The following TMEM69 variants were observed in gnomAD, a reference collection of about 807,000 sequenced individuals.
TMEM69 encodes transmembrane protein 69, also known as chromosome 1 open reading frame 154.
TMEM69 carries 17 observed loss-of-function variants against 15.8 expected under a neutral mutation model. The observed-to-expected ratio is 1.07, with a 90% confidence interval of 0.73 to 1.61. TMEM69 has a LOEUF of 1.61. Ranked by LOEUF, TMEM69 falls within the 40% of genes most tolerant of loss-of-function variation. The pLI is 0.00. For missense variants in TMEM69, 230 were observed against 286.1 expected (o/e 0.80, Z 1.41); for synonymous variants, 80 against 98.6 (o/e 0.81, Z 1.12).
At chr1:45,689,090 A>G (rs1419123345) in intron 1 of TMEM69, among the ~76,000 whole-genome samples, 1 of 151,794 alleles carries the variant, frequency 6.6e-6, no homozygotes, top group African/African-American at 2.4e-5. Context: ...TTTTTAGTAG[A>G]GACGGGGGGG....
intron 2 of TMEM69, among the ~76,000 whole-genome samples, chr1:45,691,815 T>G (rs1645346610): frequency 6.6e-6 from 1 of 151,182 alleles, no homozygotes; most frequent in African/African-American, 2.4e-5. Flanking sequence ...CACTCTGGCT[T>G]GGGTGACAGA....
intron 1 of TMEM69, among the ~76,000 whole-genome samples, chr1:45,688,725 G>A (rs1361028628): frequency 1.3e-5 from 2 of 151,974 alleles, no homozygotes; most frequent in Non-Finnish European, 2.9e-5. Flanking sequence ...TACGCTCTGC[G>A]GGCATTTTGG....
In TMEM69 at chr1:45,693,274, TC is replaced by T. The variant is rs746710048; in HGVS notation, c.115del (p.Gln39SerfsTer20). On this transcript the variant is annotated frameshift_variant, in exon 3 of 3. Transcript: ENST00000372025. LOFTEE classifies it high-confidence loss of function. ...RTDILSLKMS[L>X]QQNFSPCPRP... is the part of the protein sequence containing the mutation. ...GATATACTTTCTCTCAAGATGTCTCTCCAGCAAAACTTTTCCCCATGTCCAA... is the reference window on the plus strand; with the variant it reads ...GATATACTTTCTCTCAAGATGTCTCTCAGCAAAACTTTTCCCCATGTCCAA... 67 of 1,614,084 alleles carry T rather than the reference TC, an allele frequency of 4.2e-5. No homozygotes were observed. The highest frequency in any genetic ancestry group is 5.4e-5 in the Non-Finnish European group (64 of 1,180,042).
At chr1:45,690,631 TTTTGG>T (rs1645338533) in intron 1 of TMEM69, among the ~76,000 whole-genome samples, 1 of 152,090 alleles carries the variant, frequency 6.6e-6, no homozygotes, top group East Asian at 1.9e-4. Context: ...TCCAGTTTTG[TTTTGG>T]TTTTTTTTTT....
chr1:45,691,803 T>C (rs1340029872), intron 2 of TMEM69, among the ~76,000 whole-genome samples: 1 of 94,982 alleles, frequency 1.1e-5, no homozygotes. Flanking sequence ...ATTGTGCCAC[T>C]GCACTCTGGC....
In TMEM69 at chr1:45,694,041, C is replaced by T. The variant is rs1365977959; in HGVS notation, c.*136C>T. 3 of 574,928 alleles carry T rather than the reference C, an allele frequency of 5.2e-6. No individual in the cohort carries two copies. The Admixed American group carries it at 1.0e-4, about 19-fold the overall frequency. 35.6% of individuals were successfully genotyped at this position (574,928 alleles called of 1,614,324 possible). ...CGCCTCTGCCCGGCCGCTGTGCAAC[C>T]TTCCACGTGTGAAGTGACAGCCTTG... On this transcript the variant is annotated 3_prime_UTR_variant, in exon 3 of 3. Transcript: ENST00000372025.
chr1:45,690,878 C>T, intron 1 of TMEM69, 96 bp from the exon 2 acceptor site: 1 of 621,034 alleles, frequency 1.6e-6, no homozygotes, highest in Non-Finnish European at 2.9e-6. Flanking sequence ...ATTAATGATT[C>T]TTTTCAAAGG....
At chr1:45,688,552 C>A (rs994172124) in intron 1 of TMEM69, among the ~76,000 whole-genome samples, 3 of 152,118 alleles carry the variant, frequency 2.0e-5, no homozygotes, top group Non-Finnish European at 4.4e-5. Flanking sequence ...CATCACCTGC[C>A]GTCCCTGGAC....
In TMEM69 at chr1:45,694,162, T is replaced by C. The variant is rs1158016489; in HGVS notation, c.*257T>C. The C allele has an allele frequency of 1.1e-5, 5 of 446,172 alleles. No homozygotes were observed. Among genetic ancestry groups the C allele is most frequent in the Non-Finnish European group, 2.0e-5 (5 of 253,236 alleles). 27.6% of individuals were successfully genotyped at this position (446,172 alleles called of 1,614,324 possible). ...TAAAAATATATATATATAAATACAC[T>C]GTAGATAACATTTGTATGCCAGCTA... On this transcript the variant is annotated 3_prime_UTR_variant, in exon 3 of 3. Transcript: ENST00000372025.
intron 2 of TMEM69, among the ~76,000 whole-genome samples, chr1:45,692,659 T>G (rs10789470): frequency 0.29 from 43,588 of 151,994 alleles, 6,389 homozygotes; most frequent in South Asian, 0.37. Context: ...TAAGTTGAAT[T>G]TTGAATGTTG....
intron 2 of TMEM69, among the ~76,000 whole-genome samples, 185 bp from the exon 3 acceptor site, chr1:45,693,019 G>C (rs1020756134): frequency 6.6e-6 from 1 of 152,048 alleles, no homozygotes; most frequent in African/African-American, 2.4e-5. Flanking sequence ...ACTCTTACCA[G>C]CAATAATATC....
Position 45,693,826 on chromosome 1 carries a change from C to A in TMEM69, c.665C>A (p.Ala222Asp). The A allele has an allele frequency of 1.9e-6, 3 of 1,614,008 alleles. No individual in the cohort carries two copies. The highest frequency in any genetic ancestry group is 2.5e-6 in the Non-Finnish European group (3 of 1,179,976). The change falls in exon 3 of 3, where the codon GCC (alanine) becomes GAC (aspartate). Residue 222 changes from alanine to aspartate, a missense_variant. Ala to Asp is a moderately radical substitution (Grantham distance 126, BLOSUM62 -2). Coordinates refer to ENST00000372025, the MANE Select transcript of TMEM69 (RefSeq NM_016486.4). The stretch of plus-strand genomic sequence containing the variant: ...CTGAGGATAGTAGTCACTTTATTGG[C>A]CACTTTTTCATTTATAATCACTTTA... Reference protein sequence around the residue: ...KALRIVVTLLATFSFIITLVV... With the variant: ...KALRIVVTLLDTFSFIITLVV...
At position 45,689,789 on chromosome 1, in the gene TMEM69, G is replaced by C. The variant is rs577221166; in HGVS notation, c.-95-1185G>C. Among the ~76,000 whole-genome samples the C allele has an allele frequency of 1.7e-4, 26 of 152,256 alleles. No homozygotes were observed. The South Asian group carries it at 2.9e-3, about 17-fold the overall frequency. On this transcript the variant is annotated intron_variant, in intron 1 of 2. Transcript: ENST00000372025. ...GGAGGCGAAGCTTGCAGTGAGCTGAGATGGCACCACTGCACTCCACCCTGG... is the reference window on the plus strand; with the variant it reads ...GGAGGCGAAGCTTGCAGTGAGCTGACATGGCACCACTGCACTCCACCCTGG...
At position 45,690,956 on chromosome 1, in the gene TMEM69, A is replaced by G. The variant is rs937272821; in HGVS notation, c.-95-18A>G. The G allele has an allele frequency of 1.8e-6, 2 of 1,088,942 alleles. No homozygotes were observed. The highest frequency in any genetic ancestry group is 3.2e-5 in the African/African-American group (2 of 63,226). 67.5% of individuals were successfully genotyped at this position (1,088,942 alleles called of 1,614,324 possible). On this transcript the variant is annotated intron_variant, in intron 1 of 2. Transcript: ENST00000372025. ...TATAAAATGAGGAAAATTAAGTGAC[A>G]CCTTGTGTTATACACAGAAACATGC...
At chr1:45,689,714 T>C (rs1645331390) in intron 1 of TMEM69, among the ~76,000 whole-genome samples, 2 of 152,124 alleles carry the variant, frequency 1.3e-5, no homozygotes, top group South Asian at 4.1e-4. Flanking sequence ...GGCATATGCC[T>C]GTAGTCCCAG....
chr1:45,689,287 G>T (rs1347617707), intron 1 of TMEM69, among the ~76,000 whole-genome samples: 3 of 152,150 alleles, frequency 2.0e-5, no homozygotes, highest in African/African-American at 7.2e-5. Context: ...GAAATTGTCA[G>T]ATCTAGATCC....
chr1:45,692,975 G>A (rs1002451210), intron 2 of TMEM69, among the ~76,000 whole-genome samples: 1 of 152,160 alleles, frequency 6.6e-6, no homozygotes, highest in African/African-American at 2.4e-5. Flanking sequence ...TTTGTGTTCA[G>A]TGGTTTCTTT....
rs1339802976 is a variant in TMEM69 at position 45,694,096 on chromosome 1, T to A, written c.*191T>A. On this transcript the variant is annotated 3_prime_UTR_variant, in exon 3 of 3. Transcript: ENST00000372025. ...TGATCTTTTCTGTCTTCCCCAAGTT[T>A]GCATTTTCGACATTAAAGTTTACTT... 2.3e-6 allele frequency: 1 copy of A among 429,570 alleles called. No homozygotes were observed. Among genetic ancestry groups the A allele is most frequent in the African/African-American group, 2.0e-5 (1 of 48,868 alleles). 26.6% of individuals were successfully genotyped at this position (429,570 alleles called of 1,614,324 possible).
chr1:45,692,559 T>C (rs1645351463), intron 2 of TMEM69, among the ~76,000 whole-genome samples: 1 of 152,178 alleles, frequency 6.6e-6, no homozygotes, highest in Non-Finnish European at 1.5e-5. Flanking sequence ...ACAATTTTAA[T>C]TCACTGTGAG....
Sources: allele counts gnomAD v4.1 joint callset (sites outside exome capture counted in the v4.1 genomes callset), GRCh38; gene constraint gnomAD v4.1.1; transcripts MANE v1.5; gene names NCBI Gene and HGNC (gene_info 2026-07-23, HGNC 2026-07-21).